Variants in ADAM22 observed in about 807,000 individuals in gnomAD.
ADAM22 encodes disintegrin and metalloproteinase domain-containing protein 22.
A neutral mutation model predicts 144.6 loss-of-function variants in ADAM22; 65 were observed. The observed-to-expected ratio is 0.45, with a 90% confidence interval of 0.37 to 0.55. The LOEUF is 0.55. ADAM22 is among the 20% of genes least tolerant of loss of function. The probability of loss-of-function intolerance (pLI) is 0.00; values close to 1 mark genes in which losing one functional copy is unlikely to be tolerated. For synonymous variants in ADAM22, 391 were observed against 412.6 expected (o/e 0.95, Z 0.63); for missense variants, 974 against 1,184.9 (o/e 0.82, Z 2.61).
intron 26 of ADAM22, among the ~76,000 whole-genome samples, chr7:88,176,854 TCC>T (rs1845796715): frequency 6.6e-6 from 1 of 152,194 alleles, no homozygotes; most frequent in Admixed American, 6.5e-5. Flanking sequence ...AACCTCTGCC[TCC>T]CAAGTTCAAG....
intron 6 of ADAM22, among the ~76,000 whole-genome samples, chr7:88,115,313 A>G (rs1827487072): frequency 6.6e-6 from 1 of 152,166 alleles, no homozygotes; most frequent in African/African-American, 2.4e-5. Flanking sequence ...TGAAATCTCT[A>G]TTTCCATCTC....
chr7:88,019,383 G>A (rs1041003417), intron 3 of ADAM22, among the ~76,000 whole-genome samples: 1 of 152,162 alleles, frequency 6.6e-6, no homozygotes, highest in Non-Finnish European at 1.5e-5. Flanking sequence ...GCTGAGGCAG[G>A]AGAATTGCTT....
chr7:88,068,524 G>C (rs1298258367), intron 3 of ADAM22, among the ~76,000 whole-genome samples: 2 of 152,126 alleles, frequency 1.3e-5, no homozygotes, highest in African/African-American at 4.8e-5. Context: ...TTTGGTGACT[G>C]CTCTAAGGAA....
intron 30 of ADAM22, 145 bp from the exon 31 acceptor site, chr7:88,192,971 C>A: frequency 1.1e-6 from 1 of 897,024 alleles, no homozygotes; most frequent in Non-Finnish European, 1.6e-6. Flanking sequence ...TTGAGAATGA[C>A]AGAATATCTT....
At chr7:88,103,154 G>A (rs1823412289) in intron 4 of ADAM22, among the ~76,000 whole-genome samples, 1 of 152,062 alleles carries the variant, frequency 6.6e-6, no homozygotes, top group Non-Finnish European at 1.5e-5. Flanking sequence ...GGAGGAGGTG[G>A]TTCTGGCCCA....
At chr7:87,944,764 G>A (rs1843171927) in intron 2 of ADAM22, among the ~76,000 whole-genome samples, 2 of 150,772 alleles carry the variant, frequency 1.3e-5, no homozygotes, top group South Asian at 4.2e-4. Flanking sequence ...CACTTTCTGA[G>A]TTTCTGGCTC....
chr7:87,992,893 C>T (rs1343469224), intron 3 of ADAM22, among the ~76,000 whole-genome samples: 1 of 152,152 alleles, frequency 6.6e-6, no homozygotes, highest in Non-Finnish European at 1.5e-5. Context: ...TTCACCAAAA[C>T]TTCAGAGGTC....
chr7:88,002,050 TG>T (rs1355866651), intron 3 of ADAM22, among the ~76,000 whole-genome samples: 2 of 152,116 alleles, frequency 1.3e-5, no homozygotes, highest in African/African-American at 4.8e-5. Context: ...TTATAAACTT[TG>T]CCAAGTAGTC....
chr7:87,992,900 G>C (rs900173096), intron 3 of ADAM22, among the ~76,000 whole-genome samples: 9 of 152,180 alleles, frequency 5.9e-5, no homozygotes, highest in Non-Finnish European at 1.3e-4. Context: ...AAACTTCAGA[G>C]GTCTCGTTGG....
intron 3 of ADAM22, among the ~76,000 whole-genome samples, chr7:88,054,473 C>G (rs1807607778): frequency 6.6e-6 from 1 of 152,142 alleles, no homozygotes; most frequent in Non-Finnish European, 1.5e-5. Flanking sequence ...TCCCACCAGT[C>G]TGTTTTCCTT....
chr7:88,099,767 T>G (rs1360239250), intron 4 of ADAM22, among the ~76,000 whole-genome samples: 1 of 152,210 alleles, frequency 6.6e-6, no homozygotes. Flanking sequence ...AGTATTCATT[T>G]GTATTCTTGG....
chr7:88,138,248 A>G (rs1201190014), intron 14 of ADAM22, among the ~76,000 whole-genome samples: 1 of 152,214 alleles, frequency 6.6e-6, no homozygotes, highest in African/African-American at 2.4e-5. Flanking sequence ...TTGCAGTTTC[A>G]ACAATTACGA....
chr7:88,047,955 T>G (rs1805120100), intron 3 of ADAM22, among the ~76,000 whole-genome samples: 1 of 152,034 alleles, frequency 6.6e-6, no homozygotes, highest in Non-Finnish European at 1.5e-5. Flanking sequence ...AATATAAAAT[T>G]AGCAATAAAA....
Position 87,934,398 on chromosome 7 carries a change from G to C in ADAM22, c.-68G>C. The C allele has an allele frequency of 6.7e-7, 1 of 1,488,996 alleles. No homozygotes were observed. Among genetic ancestry groups the C allele is most frequent in the Non-Finnish European group, 9.0e-7 (1 of 1,108,938 alleles). The allele number at this position is 1,488,996 out of a possible 1,614,324, so 92.2% of individuals were successfully genotyped here. A position where few individuals can be genotyped will look rare whatever the true frequency, so the allele number is the denominator to read the frequency against. The stretch of plus-strand genomic sequence containing the variant: ...GGGACCCCGGGGGCGCGGAGCGAGG[G>C]AAACGGACTCGGCGGCGCCGGCATG... On this transcript the variant is annotated 5_prime_UTR_variant, in exon 1 of 32. Transcript: ENST00000413139.
chr7:88,041,509 A>G (rs577208608), intron 3 of ADAM22, among the ~76,000 whole-genome samples: 16 of 152,064 alleles, frequency 1.1e-4, no homozygotes, highest in African/African-American at 3.6e-4. Flanking sequence ...ATATCTATAC[A>G]TTCATTTTAT....
rs1315013736 is a variant in ADAM22 at position 88,199,938 on chromosome 7, T to G, written c.*3447T>G. On this transcript the variant is annotated 3_prime_UTR_variant, in exon 32 of 32. Coordinates refer to ENST00000413139, the MANE Select transcript of ADAM22 (RefSeq NM_001324418.2). ...AAAGAAGTTGTCAGAAAGACAAAAT[T>G]GGATATTCTCTGCACTTTCAGAGAA... The G allele has an allele frequency of 6.6e-6, 1 of 152,238 alleles. No individual in the cohort carries two copies. The highest frequency in any genetic ancestry group is 1.5e-5 in the Non-Finnish European group (1 of 68,030). The allele number at this position is 152,238 out of a possible 1,614,324, so 9.4% of individuals were successfully genotyped here. A position where few individuals can be genotyped will look rare whatever the true frequency, so the allele number is the denominator to read the frequency against.
At position 88,196,502 on chromosome 7, in the gene ADAM22, T is replaced by G. The variant is rs371119516; in HGVS notation, c.*11T>G. 98 of 1,613,876 alleles carry G rather than the reference T, an allele frequency of 6.1e-5. No individual in the cohort carries two copies. Among genetic ancestry groups the G allele is most frequent in the Non-Finnish European group, 7.7e-5 (91 of 1,179,954 alleles). ...GAGACATCCATTTAAGATCAACTGT[T>G]TACATGTGATACATCGAAAACTGTT... is the stretch of plus-strand genomic sequence containing the variant. On this transcript the variant is annotated 3_prime_UTR_variant, in exon 32 of 32. Transcript: ENST00000413139.
chr7:88,178,187 C>CCT (rs1223477573), intron 26 of ADAM22, among the ~76,000 whole-genome samples: 6 of 152,080 alleles, frequency 3.9e-5, no homozygotes, highest in Non-Finnish European at 7.4e-5. Context: ...CTTGGGCACT[C>CCT]CTACTACAGT....
Position 88,198,149 on chromosome 7 carries a change from C to G in ADAM22, c.*1658C>G, listed in dbSNP as rs1429867263. The G allele has an allele frequency of 1.3e-5, 2 of 152,140 alleles. No individual in the cohort carries two copies. Among genetic ancestry groups the G allele is most frequent in the African/African-American group, 4.8e-5 (2 of 41,416 alleles). 9.4% of individuals were successfully genotyped at this position (152,140 alleles called of 1,614,324 possible). A position where few individuals can be genotyped will look rare whatever the true frequency, so the allele number is the denominator to read the frequency against. Reference sequence around the variant, plus strand: ...CTGCAGACAGGTTTTCAGATATACTCTCTTAAATTTGATCCTCTCCCATAG... The same window carrying G: ...CTGCAGACAGGTTTTCAGATATACTGTCTTAAATTTGATCCTCTCCCATAG... On this transcript the variant is annotated 3_prime_UTR_variant, in exon 32 of 32. Transcript: ENST00000413139.
Sources: allele counts gnomAD v4.1 joint callset (sites outside exome capture counted in the v4.1 genomes callset), GRCh38; gene constraint gnomAD v4.1.1; transcripts MANE v1.5; gene names NCBI Gene and HGNC (gene_info 2026-07-23, HGNC 2026-07-21).